Variants in RBM33 observed in about 807,000 individuals in gnomAD.
RBM33 encodes RNA-binding protein 33.
A neutral mutation model predicts 132.6 loss-of-function variants in RBM33; 28 were observed. The observed-to-expected ratio is 0.21, with a 90% CI of 0.16 to 0.29. RBM33 has a LOEUF of 0.29. RBM33 is among the 10% of genes least tolerant of loss of function. The pLI is 1.00. For synonymous variants in RBM33, 634 were observed against 593.0 expected (o/e 1.07, Z -1.01); for missense variants, 1,291 against 1,518.5 (o/e 0.85, Z 2.49).
At chr7:155,707,258 A>G (rs1281188209) in intron 7 of RBM33, 190 bp downstream of exon 7, 1 of 692,778 alleles carries the variant, frequency 1.4e-6, no homozygotes, top group Non-Finnish European at 2.7e-6. Flanking sequence ...TCAGCACTCC[A>G]GTCATCTGGT....
chr7:155,693,587 G>C (rs1342398128), intron 5 of RBM33, among the ~76,000 whole-genome samples: 1 of 151,682 alleles, frequency 6.6e-6, no homozygotes, highest in Admixed American at 6.6e-5. Flanking sequence ...TTCCTTGATG[G>C]TTTTAGTTTA....
At chr7:155,743,507 G>C (rs989801221) in intron 13 of RBM33, among the ~76,000 whole-genome samples, 1 of 152,208 alleles carries the variant, frequency 6.6e-6, no homozygotes, top group African/African-American at 2.4e-5. Flanking sequence ...AATGGAACCT[G>C]TAGGTCACCG....
At chr7:155,763,472 G>A (rs1802102594) in intron 14 of RBM33, among the ~76,000 whole-genome samples, 1 of 152,250 alleles carries the variant, frequency 6.6e-6, no homozygotes, top group South Asian at 2.1e-4. Flanking sequence ...AATAATGCAT[G>A]CTGAAAGTGA....
At chr7:155,703,936 T>C (rs971539675) in intron 6 of RBM33, among the ~76,000 whole-genome samples, 1 of 152,202 alleles carries the variant, frequency 6.6e-6, no homozygotes, top group African/African-American at 2.4e-5. Context: ...TGTTGTCTTA[T>C]ATGAGGTGTA....
chr7:155,734,113 A>T (rs146973319), intron 9 of RBM33, among the ~76,000 whole-genome samples: 1 of 152,128 alleles, frequency 6.6e-6, no homozygotes, highest in Admixed American at 6.5e-5. Flanking sequence ...TTGTCTTTCA[A>T]CTGGTCTGTA....
At chr7:155,679,665 ATAAG>A (rs954978346) in intron 4 of RBM33, among the ~76,000 whole-genome samples, 5 of 152,258 alleles carry the variant, frequency 3.3e-5, no homozygotes, top group African/African-American at 9.6e-5. Context: ...ACAGGTAAAA[ATAAG>A]TTTTAAATTA....
chr7:155,645,375 G>C (rs1369845655), intron 1 of RBM33, among the ~76,000 whole-genome samples: 1 of 152,186 alleles, frequency 6.6e-6, no homozygotes, highest in African/African-American at 2.4e-5. Context: ...AAAACATAAC[G>C]AAAAGATTCA....
chr7:155,647,439 T>C (rs1242896229), intron 1 of RBM33, among the ~76,000 whole-genome samples: 1 of 149,062 alleles, frequency 6.7e-6, no homozygotes, highest in Non-Finnish European at 1.5e-5. Context: ...TATTTTTTAC[T>C]TTTTTTTTTG....
In RBM33 at chr7:155,700,685, CAATT is replaced by C. The variant is rs549474050; in HGVS notation, c.568-85_568-82del. 5.3e-4 allele frequency: 465 copies of C among 875,894 alleles called. No homozygotes were observed. The African/African-American group carries it at 7.5e-3, about 14-fold the overall frequency. The allele number at this position is 875,894 out of a possible 1,614,324, so 54.3% of individuals were successfully genotyped here. On this transcript the variant is annotated intron_variant, in intron 5 of 17. Transcript: ENST00000401878. ...GTATTTTTTACATCTGAAATATAAA[CAATT>C]AAATATTTTAGCATTCTTTAATATT...
In RBM33 at chr7:155,739,940, C is replaced by T. The variant is rs368744650; in HGVS notation, c.1963C>T (p.Pro655Ser). Residue 655 changes from proline to serine, a missense_variant, in exon 12 of 18, where the codon CCA (proline) becomes TCA (serine). Pro to Ser is a moderately conservative substitution (Grantham distance 74, BLOSUM62 -1). Transcript: ENST00000401878. ...PPPPLMPMSQ[P>S]QFRPHVQTAQ... is the part of the protein sequence containing the mutation. The stretch of plus-strand genomic sequence containing the variant: ...CCCTCCTTTGATGCCGATGTCTCAG[C>T]CACAGTTCCGGCCTCACGTACAGAC... 3 of 1,554,002 alleles carry T rather than the reference C, an allele frequency of 1.9e-6. No homozygotes were observed. Among genetic ancestry groups the T allele is most frequent in the African/African-American group, 1.4e-5 (1 of 73,052 alleles).
At chr7:155,658,110 G>A (rs1216631641) in intron 1 of RBM33, among the ~76,000 whole-genome samples, 3 of 151,900 alleles carry the variant, frequency 2.0e-5, no homozygotes, top group African/African-American at 7.3e-5. Context: ...CTTCATTTTT[G>A]TCAACATTTG....
chr7:155,754,821 G>A lies in RBM33; in HGVS notation c.2980-8991G>A, dbSNP rs73737841. Among the ~76,000 whole-genome samples the A allele has an allele frequency of 9.5e-3, 1,445 of 152,292 alleles. 19 individuals carry two copies. The highest frequency in any genetic ancestry group is 0.033 in the African/African-American group (1,366 of 41,554). On this transcript the variant is annotated intron_variant, in intron 14 of 17. Coordinates refer to ENST00000401878, the MANE Select transcript of RBM33 (RefSeq NM_053043.3). Reference sequence around the variant, plus strand: ...TTCTTTCATGAAGCTTGGTAGTTAGGAGGTCTGTCCAACCTGGTCTCTCTA... The same window carrying A: ...TTCTTTCATGAAGCTTGGTAGTTAGAAGGTCTGTCCAACCTGGTCTCTCTA...
Position 155,700,919 on chromosome 7 carries a change from G to T in RBM33, c.714G>T (p.Glu238Asp). ...TTAGGCTCTCAGATGTAACTAGAGA[G>T]AGAAGGAACATTCCAGAAACTTTGG... ...TIIRLSDVTR[E>D]RRNIPETLEL... Residue 238 changes from glutamate to aspartate, a missense_variant, in exon 6 of 18, where the codon GAG becomes GAT. Around this residue, in one of 7 missense-constraint regions of RBM33, gnomAD observed 11 missense variants for 39.4 expected, o/e 0.28. Coordinates refer to ENST00000401878, the MANE Select transcript of RBM33 (RefSeq NM_053043.3). The T allele has an allele frequency of 6.2e-7, 1 of 1,613,086 alleles. No individual in the cohort carries two copies. Among genetic ancestry groups the T allele is most frequent in the Non-Finnish European group, 8.5e-7 (1 of 1,179,548 alleles).
rs532738277 is a variant in RBM33 at position 155,755,945 on chromosome 7, A to G, written c.2980-7867A>G. 1.2e-4 allele frequency among the ~76,000 whole-genome samples: 18 copies of G among 152,370 alleles called. No individual in the cohort carries two copies. The East Asian group carries it at 3.5e-3, about 29-fold the overall frequency. The stretch of plus-strand genomic sequence containing the variant: ...AAAGCGATTTTTATAGCATTAAAAG[A>G]TAATCATTTGTGGGAAAAAAATGTT... On this transcript the variant is annotated intron_variant, in intron 14 of 17. Transcript: ENST00000401878.
At chr7:155,689,712 G>A (rs191664390) in intron 5 of RBM33, among the ~76,000 whole-genome samples, 258 of 152,294 alleles carry the variant, frequency 1.7e-3, no homozygotes, top group Middle Eastern at 0.01. Context: ...CTTTATTTCT[G>A]CCTTCATTTT....
At chr7:155,680,203 C>CT (rs1170234149) in intron 4 of RBM33, among the ~76,000 whole-genome samples, 1 of 152,150 alleles carries the variant, frequency 6.6e-6, no homozygotes, top group Non-Finnish European at 1.5e-5. Context: ...CAGTTTCTGT[C>CT]TATTTCATTT....
At chr7:155,748,402 G>T (rs1801587843) in intron 14 of RBM33, among the ~76,000 whole-genome samples, 1 of 152,140 alleles carries the variant, frequency 6.6e-6, no homozygotes, top group African/African-American at 2.4e-5. Context: ...TCAAGAACTT[G>T]TGCTCTGGTG....
chr7:155,665,358 C>T (rs921544536), intron 2 of RBM33, 105 bp downstream of exon 2: 25 of 975,226 alleles, frequency 2.6e-5, no homozygotes, highest in Non-Finnish European at 3.6e-5. Flanking sequence ...GACTACCTGG[C>T]GCTCTCTCTT....
At chr7:155,713,764 T>C (rs1162879611) in intron 8 of RBM33, among the ~76,000 whole-genome samples, 1 of 152,210 alleles carries the variant, frequency 6.6e-6, no homozygotes, top group Non-Finnish European at 1.5e-5. Context: ...GAAAGTTTTT[T>C]ATTCTAAGTT....
Sources: allele counts gnomAD v4.1 joint callset (sites outside exome capture counted in the v4.1 genomes callset), GRCh38; gene constraint gnomAD v4.1.1; regional missense constraint gnomAD v4.1.1; transcripts MANE v1.5; gene names NCBI Gene and HGNC (gene_info 2026-07-23, HGNC 2026-07-21).